Variants in RANBP2 observed in about 807,000 individuals in gnomAD.
RANBP2 encodes the protein E3 SUMO-protein ligase RanBP2.
In RANBP2, 57 loss-of-function variants were observed where a neutral mutation model predicts 303.6. That is an observed-to-expected ratio of 0.19 (90% CI 0.15 to 0.23). The LOEUF (loss-of-function observed/expected upper bound fraction) is 0.23, where lower values mean the gene tolerates loss of function less well. Ranked by LOEUF, RANBP2 falls within the 10% of genes least tolerant of loss-of-function variation. The pLI, the probability that RANBP2 is intolerant of heterozygous loss-of-function variation, is 1.00. For synonymous variants in RANBP2, 1,167 were observed against 1,301.5 expected (o/e 0.90, Z 2.23); for missense variants, 3,138 against 3,780.8 (o/e 0.83, Z 4.46).
At chr2:109,703,630 T>C in the RANBP2 span, among the ~76,000 whole-genome samples, 1 of 152,182 alleles carries the variant, frequency 6.6e-6, no homozygotes, top group Non-Finnish European at 1.5e-5. Flanking sequence ...GGTTTCACCA[T>C]GTTGGTCAGG....
At chr2:109,543,894 C>A in the RANBP2 span, 1 of 428,700 alleles carries the variant, frequency 2.3e-6, no homozygotes, top group Admixed American at 4.1e-5. Context: ...GGACCCGACT[C>A]TAATTACATA....
At chr2:108,739,451 A>C (rs556080182) in intron 6 of RANBP2, among the ~76,000 whole-genome samples, 17 of 152,314 alleles carry the variant, frequency 1.1e-4, no homozygotes, top group African/African-American at 3.4e-4. Context: ...GAAAATGAGT[A>C]TGTAAAATAT....
the RANBP2 span, among the ~76,000 whole-genome samples, chr2:109,389,363 C>T: frequency 1.3e-5 from 2 of 152,240 alleles, no homozygotes; most frequent in Non-Finnish European, 2.9e-5. Context: ...TGGGTGCCGA[C>T]AGCTTTCTGT....
At chr2:109,465,442 A>G in the RANBP2 span, among the ~76,000 whole-genome samples, 1 of 152,192 alleles carries the variant, frequency 6.6e-6, no homozygotes, top group Admixed American at 6.5e-5. Context: ...TTGCTTTCCT[A>G]CCAGCAATGA....
the RANBP2 span, among the ~76,000 whole-genome samples, chr2:109,506,967 G>T: frequency 2.6e-5 from 4 of 152,228 alleles, no homozygotes; most frequent in African/African-American, 9.6e-5. Flanking sequence ...AGTGGGAGAA[G>T]AGGAAAGGGC....
the RANBP2 span, among the ~76,000 whole-genome samples, chr2:109,401,248 C>T: frequency 4.6e-5 from 7 of 152,264 alleles, no homozygotes; most frequent in South Asian, 4.1e-4. Context: ...CAACTGTTGG[C>T]GATGTGAACA....
the RANBP2 span, chr2:108,930,941 G>A: frequency 6.2e-7 from 1 of 1,613,578 alleles, no homozygotes; most frequent in Non-Finnish European, 8.5e-7. Flanking sequence ...GTGCTGTGGG[G>A]GTAAGGGGCT....
the RANBP2 span, chr2:109,585,899 A>T: frequency 1.6e-6 from 2 of 1,217,650 alleles, no homozygotes; most frequent in Non-Finnish European, 1.2e-6. Flanking sequence ...CTTAAATAGG[A>T]TGTAGGCACA....
chr2:108,766,972 C>T lies in RANBP2; in HGVS notation c.6433C>T (p.Leu2145Phe), dbSNP rs1677160856. 1 of 1,609,184 alleles carries T rather than the reference C, an allele frequency of 6.2e-7. No individual in the cohort carries two copies. Among genetic ancestry groups the T allele is most frequent in the Non-Finnish European group, 8.5e-7 (1 of 1,179,830 alleles). The change falls in exon 20 of 29, where the codon CTT becomes TTT. Residue 2145 changes from leucine to phenylalanine, a missense_variant. Transcript: ENST00000283195. Reference protein sequence around the residue: ...FKQKFEECQRLLLDIPLQTPH... With the variant: ...FKQKFEECQRFLLDIPLQTPH... ...GCAGAAATTTGAGGAATGCCAGCGG[C>T]TTCTGTTAGACATACCACTTCAAAC... is the stretch of plus-strand genomic sequence containing the variant.
At chr2:109,544,456 C>T in the RANBP2 span, 1 of 1,390,886 alleles carries the variant, frequency 7.2e-7, no homozygotes, top group Non-Finnish European at 9.3e-7. Context: ...AAACCAAAAA[C>T]ACCAAACCAT....
At chr2:109,706,182 C>T in the RANBP2 span, among the ~76,000 whole-genome samples, 1 of 152,208 alleles carries the variant, frequency 6.6e-6, no homozygotes, top group Non-Finnish European at 1.5e-5. Flanking sequence ...AGTCTATTCT[C>T]AGAGCAGCAG....
At chr2:109,103,331 C>T in the RANBP2 span, among the ~76,000 whole-genome samples, 1 of 152,322 alleles carries the variant, frequency 6.6e-6, no homozygotes, top group South Asian at 2.1e-4. Context: ...GTCCTGAGAA[C>T]GTGTGCCCAA....
At chr2:108,749,432 G>T (rs1281989456) in intron 9 of RANBP2, among the ~76,000 whole-genome samples, 2 of 152,080 alleles carry the variant, frequency 1.3e-5, no homozygotes, top group Non-Finnish European at 2.9e-5. Flanking sequence ...CAAGTAGCGG[G>T]ATTACAAATG....
chr2:109,719,086 G>A, the RANBP2 span, among the ~76,000 whole-genome samples: 2 of 142,464 alleles, frequency 1.4e-5, no homozygotes, highest in Non-Finnish European at 3.0e-5. Flanking sequence ...TGTGTTGTAT[G>A]TGAATTATAT....
At chr2:109,563,165 C>A in the RANBP2 span, among the ~76,000 whole-genome samples, 1 of 152,150 alleles carries the variant, frequency 6.6e-6, no homozygotes, top group African/African-American at 2.4e-5. Flanking sequence ...CCCGCCTTGG[C>A]CTCCCAAAGT....
the RANBP2 span, among the ~76,000 whole-genome samples, chr2:109,584,008 C>T: frequency 4.0e-5 from 6 of 151,846 alleles, no homozygotes; most frequent in South Asian, 2.1e-4. Context: ...GGAAGATACC[C>T]GGTAAAGGCT....
At position 108,758,560 on chromosome 2, in the gene RANBP2, A is replaced by G. The variant is rs1676496601; in HGVS notation, c.2602+12A>G. On this transcript the variant is annotated intron_variant, in intron 18 of 28. Coordinates refer to ENST00000283195, the MANE Select transcript of RANBP2 (RefSeq NM_006267.5). The stretch of plus-strand genomic sequence containing the variant: ...GGCTCCACTAACAGGTGAGCTGGCA[A>G]GTGGATAATCGCATATTTTAGTAAA... The G allele has an allele frequency of 6.2e-7, 1 of 1,610,924 alleles. No homozygotes were observed.
At chr2:109,097,454 A>T in the RANBP2 span, among the ~76,000 whole-genome samples, 1 of 152,206 alleles carries the variant, frequency 6.6e-6, no homozygotes, top group Non-Finnish European at 1.5e-5. Context: ...GACCAAAAAA[A>T]AAAATCTGCT....
At chr2:109,100,315 T>A in the RANBP2 span, among the ~76,000 whole-genome samples, 1 of 152,232 alleles carries the variant, frequency 6.6e-6, no homozygotes, top group Non-Finnish European at 1.5e-5. Context: ...TAGATTCTCA[T>A]AGGAGTGTGA....
Sources: allele counts gnomAD v4.1 joint callset (sites outside exome capture counted in the v4.1 genomes callset), GRCh38; gene constraint gnomAD v4.1.1; transcripts MANE v1.5; gene names NCBI Gene and HGNC (gene_info 2026-07-23, HGNC 2026-07-21).